ABL2: variants seen among roughly 807,000 people sequenced by gnomAD.
ABL2 encodes the protein ABL proto-oncogene 2, non-receptor tyrosine kinase, also known as tyrosine-protein kinase ABL2.
ABL2 carries 49 observed loss-of-function variants against 107.7 expected under a neutral mutation model. The observed-to-expected ratio is 0.45, with a 90% confidence interval of 0.36 to 0.58. The LOEUF is 0.58. ABL2 is among the 20% of genes least tolerant of loss of function. The pLI, the probability that ABL2 is intolerant of heterozygous loss-of-function variation, is 0.00. For missense variants in ABL2, 1,245 were observed against 1,457.0 expected, an observed-to-expected ratio of 0.85 and a Z score of 2.37; for synonymous variants, 549 against 548.6, an observed-to-expected ratio of 1.00 and a Z score of -0.01.
At chr1:179,174,037 C>T (rs1420867467) in intron 1 of ABL2, among the ~76,000 whole-genome samples, 2 of 152,184 alleles carry the variant, frequency 1.3e-5, no homozygotes, top group Admixed American at 6.5e-5. Flanking sequence ...CGCCTTTAAT[C>T]CCAGCATTTT....
Position 179,099,962 on chromosome 1 carries a change from C to A in ABL2, c.*7756G>T, listed in dbSNP as rs141905964. The A allele has an allele frequency of 2.6e-5, 6 of 232,532 alleles. No homozygotes were observed. Among genetic ancestry groups the A allele is most frequent in the South Asian group, 3.6e-4 (2 of 5,522 alleles). The allele number at this position is 232,532 out of a possible 1,614,324, so 14.4% of individuals were successfully genotyped here. ...CACTGCTGTTCATCCAAGGAAAGATCTGAGCGATTCCTCTTTTACTTACTC... is the reference window on the plus strand; with the variant it reads ...CACTGCTGTTCATCCAAGGAAAGATATGAGCGATTCCTCTTTTACTTACTC... On this transcript the variant is annotated 3_prime_UTR_variant, in exon 12 of 12. Transcript: ENST00000502732.
intron 1 of ABL2, 71 bp downstream of exon 1, chr1:179,229,170 G>GGCCCCC: frequency 3.8e-6 from 1 of 266,254 alleles, no homozygotes. Flanking sequence ...CAGCCCGTCC[G>GGCCCCC]CCACCCACCC....
intron 1 of ABL2, among the ~76,000 whole-genome samples, chr1:179,225,230 A>G (rs1663124624): frequency 6.6e-6 from 1 of 152,178 alleles, no homozygotes; most frequent in Non-Finnish European, 1.5e-5. Flanking sequence ...CATTTTAGCT[A>G]AAGAAAGAAA....
chr1:179,189,627 T>C (rs1660884490), intron 1 of ABL2, among the ~76,000 whole-genome samples: 1 of 151,652 alleles, frequency 6.6e-6, no homozygotes. Flanking sequence ...GTAAGAGGAG[T>C]CTGAGGATAG....
At chr1:179,204,183 C>T (rs1037290887) in intron 1 of ABL2, among the ~76,000 whole-genome samples, 2 of 151,950 alleles carry the variant, frequency 1.3e-5, no homozygotes, top group Non-Finnish European at 1.5e-5. Flanking sequence ...GGCGCCATCA[C>T]GCCCAGCTAA....
chr1:179,221,850 C>T (rs1182506573), intron 1 of ABL2: 1 of 232,982 alleles, frequency 4.3e-6, no homozygotes, highest in Non-Finnish European at 9.4e-6. Context: ...TGTTTCCTCC[C>T]TACTGCAGTG....
chr1:179,211,923 A>G (rs889930799), intron 1 of ABL2, among the ~76,000 whole-genome samples: 1 of 152,228 alleles, frequency 6.6e-6, no homozygotes, highest in African/African-American at 2.4e-5. Flanking sequence ...TGAGTGTACA[A>G]TGAGGAAAAT....
intron 1 of ABL2, among the ~76,000 whole-genome samples, 171 bp downstream of exon 1, chr1:179,229,070 G>A (rs1010360221): frequency 2.6e-5 from 4 of 152,018 alleles, no homozygotes; most frequent in African/African-American, 9.7e-5. Flanking sequence ...CGCGAGGGGG[G>A]AGGGGTGTGA....
intron 1 of ABL2, among the ~76,000 whole-genome samples, chr1:179,226,642 A>G (rs2793805): frequency 0.22 from 32,820 of 152,058 alleles, 4,482 homozygotes; most frequent in East Asian, 0.35. Flanking sequence ...CAGTAGTATT[A>G]GTAATGGCAG....
In ABL2 at chr1:179,110,290, A is replaced by G; in HGVS notation, c.1817T>C (p.Leu606Ser). The change falls in exon 11 of 12, where the codon TTA becomes TCA. Residue 606 changes from leucine to serine, a missense_variant. Transcript: ENST00000502732. ...TGCTAAGGGACCCATACCTGGTGCT[A>G]AACTGGAAGCAGAATTTTCTGTGGC... ...QDATENSASS[L>S]APGFIRGAQA... The G allele has an allele frequency of 6.2e-7, 1 of 1,614,192 alleles. No homozygotes were observed.
At chr1:179,178,124 A>G (rs976920445) in intron 1 of ABL2, among the ~76,000 whole-genome samples, 1 of 152,134 alleles carries the variant, frequency 6.6e-6, no homozygotes, top group African/African-American at 2.4e-5. Context: ...GTGACCAGGT[A>G]CAGTAGCTCA....
At position 179,136,084 on chromosome 1, in the gene ABL2, T is replaced by G. The variant is rs556068422; in HGVS notation, c.158-2710A>C. Among the ~76,000 whole-genome samples, 923 of 116,564 alleles carry G rather than the reference T, an allele frequency of 7.9e-3. 15 individuals are homozygous for G. The highest frequency in any genetic ancestry group is 0.028 in the African/African-American group (878 of 30,832). 76.5% of individuals were successfully genotyped at this position (116,564 alleles called of 152,430 possible). A position where few individuals can be genotyped will look rare whatever the true frequency, so the allele number is the denominator to read the frequency against. ...CCAGCCGCCCCGTCCAGGAGGGAGG[T>G]GGGGGGGGTCAGCCCCCCGTCCGGC... On this transcript the variant is annotated intron_variant, in intron 1 of 11. Transcript: ENST00000502732.
intron 3 of ABL2, among the ~76,000 whole-genome samples, chr1:179,128,837 C>T (rs1285039313): frequency 6.6e-6 from 1 of 152,168 alleles, no homozygotes; most frequent in Non-Finnish European, 1.5e-5. Context: ...GTGCATGCCA[C>T]TGCCCCTGGC....
intron 1 of ABL2, among the ~76,000 whole-genome samples, chr1:179,187,141 T>C (rs1429510315): frequency 5.3e-5 from 8 of 152,192 alleles, no homozygotes; most frequent in Non-Finnish European, 1.2e-4. Context: ...CATTTTTGAC[T>C]CAAGGGCCTT....
intron 1 of ABL2, among the ~76,000 whole-genome samples, chr1:179,197,633 C>T (rs568080528): frequency 5.6e-4 from 84 of 151,230 alleles, no homozygotes; most frequent in Non-Finnish European, 9.4e-4. Flanking sequence ...CTTTGGGAGG[C>T]CAAGGAGGGT....
chr1:179,207,106 T>C (rs143540557), intron 1 of ABL2, among the ~76,000 whole-genome samples: 34 of 152,084 alleles, frequency 2.2e-4, no homozygotes, highest in Non-Finnish European at 3.8e-4. Context: ...TATGCCCACA[T>C]AACAACAGTC....
In ABL2 at chr1:179,106,212, G is replaced by A. The variant is rs1003447003; in HGVS notation, c.*1506C>T. 5 of 225,112 alleles carry A rather than the reference G, an allele frequency of 2.2e-5. No homozygotes were observed. Among genetic ancestry groups the A allele is most frequent in the East Asian group, 1.3e-4 (2 of 15,520 alleles). The allele number at this position is 225,112 out of a possible 1,614,324, so 13.9% of individuals were successfully genotyped here. On this transcript the variant is annotated 3_prime_UTR_variant, in exon 12 of 12. Coordinates refer to ENST00000502732, the MANE Select transcript of ABL2 (RefSeq NM_007314.4). ...TGAAGCAGTAACTGGAATTAGACCC[G>A]ATACCAAGAACATTAATAATACCTA...
At chr1:179,194,957 C>T (rs1661219975) in intron 1 of ABL2, among the ~76,000 whole-genome samples, 1 of 152,000 alleles carries the variant, frequency 6.6e-6, no homozygotes, top group South Asian at 2.1e-4. Context: ...TTAAAAAATG[C>T]CCAACATCAC....
intron 1 of ABL2, among the ~76,000 whole-genome samples, chr1:179,210,267 A>G (rs1662191268): frequency 6.6e-6 from 1 of 151,468 alleles, no homozygotes; most frequent in South Asian, 2.1e-4. Flanking sequence ...GCACTTTGAG[A>G]GGCTGAAGTG....
Sources: gnomAD v4.1 joint callset for allele counts (sites outside exome capture counted in the v4.1 genomes callset) on GRCh38, gnomAD v4.1.1 for gene constraint, MANE v1.5 for transcripts, NCBI Gene and HGNC (gene_info 2026-07-23, HGNC 2026-07-21) for gene names.